Variants in HEXA observed in about 807,000 individuals in gnomAD.
The protein encoded by HEXA is hexosaminidase subunit alpha.
Under a neutral mutation model 73.3 loss-of-function variants are expected in HEXA, and 54 were observed. The observed-to-expected ratio is 0.74, with a 90% CI of 0.59 to 0.92. HEXA has a LOEUF of 0.92. HEXA is among the 40% of genes least tolerant of loss of function. The pLI, the probability that HEXA is intolerant of heterozygous loss-of-function variation, is 0.00. For synonymous variants in HEXA, 230 were observed against 246.9 expected (o/e 0.93, Z 0.64); for missense variants, 649 against 653.0 (o/e 0.99, Z 0.07).
chr15:72,373,425 T>C (rs2089018215), intron 1 of HEXA, among the ~76,000 whole-genome samples: 1 of 152,204 alleles, frequency 6.6e-6, no homozygotes, highest in South Asian at 2.1e-4. Context: ...GAAGACTCCA[T>C]GGGAAGAGCA....
intron 1 of HEXA, among the ~76,000 whole-genome samples, chr15:72,363,481 T>C (rs2088878213): frequency 6.6e-6 from 1 of 152,198 alleles, no homozygotes; most frequent in African/African-American, 2.4e-5. Context: ...AGTGAATTGG[T>C]GTAGCTAGGA....
At chr15:72,350,491 C>T (rs1426919301) in intron 7 of HEXA, 27 bp downstream of exon 7, 2 of 1,612,906 alleles carry the variant, frequency 1.2e-6, no homozygotes, top group Non-Finnish European at 1.7e-6. Flanking sequence ...CAAGCAGAGT[C>T]CCTCTGGTCC....
chr15:72,348,122 TGGG>T lies in HEXA; in HGVS notation c.996_998del (p.Asn332_Pro333delinsLys). The T allele has an allele frequency of 6.2e-7, 1 of 1,610,740 alleles. No homozygotes were observed. The highest frequency in any genetic ancestry group is 8.5e-7 in the Non-Finnish European group (1 of 1,176,896). ...TCTTCCTCATAAAGTCCTGGATCTC[TGGG>T]TTGGACTTCCTGAATCCCAAGAGAA... On this transcript the variant is annotated inframe_deletion, in exon 9 of 14. Transcript: ENST00000268097.
intron 13 of HEXA, among the ~76,000 whole-genome samples, chr15:72,344,394 C>T (rs901634705): frequency 1.3e-5 from 2 of 152,118 alleles, no homozygotes; most frequent in Non-Finnish European, 2.9e-5. Flanking sequence ...GAAACGTTGG[C>T]GACATCTATT....
intron 1 of HEXA, chr15:72,362,271 C>G (rs538189748): frequency 1.3e-4 from 26 of 199,156 alleles, no homozygotes; most frequent in African/African-American, 3.3e-4. Context: ...GTTATTCCCC[C>G]CCTCTTTCCT....
Position 72,350,599 on chromosome 15 carries a change from C to T in HEXA, c.724G>A (p.Val242Ile). The T allele has an allele frequency of 6.2e-7, 1 of 1,614,170 alleles. No individual in the cohort carries two copies. Among genetic ancestry groups the T allele is most frequent in the Non-Finnish European group, 8.5e-7 (1 of 1,180,022 alleles). The change falls in exon 7 of 14, where the codon GTC (valine) becomes ATC (isoleucine). Residue 242 changes from valine (V) to isoleucine (I), a missense_variant. Coordinates refer to ENST00000268097, the MANE Select transcript of HEXA (RefSeq NM_000520.6). ...HIYTAQDVKE[V>I]IEYARLRGIR... Reference sequence around the variant, plus strand: ...CCCCGGAGCCGTGCGTATTCAATGACCTCCTTCACATCCTGTGCTGTGTAG... The same window carrying T: ...CCCCGGAGCCGTGCGTATTCAATGATCTCCTTCACATCCTGTGCTGTGTAG...
At chr15:72,368,518 C>A (rs998685580) in intron 1 of HEXA, among the ~76,000 whole-genome samples, 3 of 152,180 alleles carry the variant, frequency 2.0e-5, no homozygotes, top group Non-Finnish European at 4.4e-5. Context: ...AAGTGCCAGA[C>A]AATAAATGCT....
At position 72,346,510 on chromosome 15, in the gene HEXA, G is replaced by C. The variant is rs1445354163; in HGVS notation, c.1330+17C>G. 6.2e-7 allele frequency: 1 copy of C among 1,612,606 alleles called. No individual in the cohort carries two copies. Among genetic ancestry groups the C allele is most frequent in the Non-Finnish European group, 8.5e-7 (1 of 1,178,678 alleles). ...CCCAGCCTCCTTTGGTTAGCAAGGA[G>C]AGCTCTCTGCTTTCACCTTCAAATG... On this transcript the variant is annotated intron_variant, in intron 11 of 13. Transcript: ENST00000268097.
chr15:72,343,828 C>T lies in HEXA; in HGVS notation c.*249G>A. On this transcript the variant is annotated 3_prime_UTR_variant, in exon 14 of 14. Transcript: ENST00000268097. ...GGGGCAGACACTGACTCCAGCCTGG[C>T]TGTGCCCTTACCCTAACGCCATTCA... 2.2e-6 allele frequency: 1 copy of T among 456,056 alleles called. No homozygotes were observed. The highest frequency in any genetic ancestry group is 4.1e-6 in the Non-Finnish European group (1 of 245,810). 28.3% of individuals were successfully genotyped at this position (456,056 alleles called of 1,614,324 possible). A position where few individuals can be genotyped will look rare whatever the true frequency, so the allele number is the denominator to read the frequency against.
At chr15:72,345,711 CAG>C (rs1595796503) in intron 12 of HEXA, 161 bp from the exon 13 acceptor site, 2 of 1,165,566 alleles carry the variant, frequency 1.7e-6, no homozygotes, top group East Asian at 5.1e-5. Context: ...GGATGGCTCC[CAG>C]AGAGTTCTAC....
At chr15:72,347,559 G>C (rs2088632872) in intron 10 of HEXA, 127 bp downstream of exon 10, 2 of 786,418 alleles carry the variant, frequency 2.5e-6, no homozygotes, top group Admixed American at 4.0e-5. Context: ...GAGAGAAAAG[G>C]AGAGTGCTCC....
At position 72,341,199 on chromosome 15, in the gene HEXA, G is replaced by A. The variant is rs1382639406; in HGVS notation, c.*2878C>T. The A allele has an allele frequency of 6.6e-6, 1 of 152,032 alleles. No individual in the cohort carries two copies. The highest frequency in any genetic ancestry group is 1.5e-5 in the Non-Finnish European group (1 of 68,024). The allele number at this position is 152,032 out of a possible 1,614,324, so 9.4% of individuals were successfully genotyped here. ...ACATCCTTTCTTTCACCCTTTCCCA[G>A]TATCATTTCAGCTTTCCTCACAGTC... On this transcript the variant is annotated 3_prime_UTR_variant, in exon 14 of 14. Coordinates refer to ENST00000268097, the MANE Select transcript of HEXA (RefSeq NM_000520.6).
chr15:72,366,939 T>G (rs1331340564), intron 1 of HEXA, among the ~76,000 whole-genome samples: 2 of 148,310 alleles, frequency 1.3e-5, no homozygotes, highest in African/African-American at 2.5e-5. Context: ...AATTTCACTG[T>G]TTTTTTTTTG....
chr15:72,375,858 G>C lies in HEXA; in HGVS notation c.115C>G (p.Leu39Val). 2 of 1,614,266 alleles carry C rather than the reference G, an allele frequency of 1.2e-6. No homozygotes were observed. The highest frequency in any genetic ancestry group is 1.7e-6 in the Non-Finnish European group (2 of 1,180,044). ...NFQTSDQRYV[L>V]YPNNFQFQYD... Reference sequence around the variant, plus strand: ...TGGAATTGAAAGTTGTTCGGGTAAAGGACGTAGCGCTGGTCGGAGGTTTGG... The same window carrying C: ...TGGAATTGAAAGTTGTTCGGGTAAACGACGTAGCGCTGGTCGGAGGTTTGG... Residue 39 changes from leucine (L) to valine (V), a missense_variant, in exon 1 of 14, where the codon CTT (leucine) becomes GTT (valine). By Grantham distance (32) the Leu-to-Val change is conservative. Transcript: ENST00000268097.
chr15:72,375,600 G>A, intron 1 of HEXA, 120 bp downstream of exon 1: 1 of 1,047,626 alleles, frequency 9.5e-7, no homozygotes, highest in Non-Finnish European at 1.4e-6. Flanking sequence ...GGAGGAAGTG[G>A]AGTGCCTGTG....
At chr15:72,363,107 G>A (rs895196142) in intron 1 of HEXA, among the ~76,000 whole-genome samples, 1 of 151,842 alleles carries the variant, frequency 6.6e-6, no homozygotes, top group Admixed American at 6.6e-5. Context: ...ATCATATCCA[G>A]GTTTCATCTC....
intron 2 of HEXA, 93 bp from the exon 3 acceptor site, chr15:72,355,717 A>G: frequency 1.1e-6 from 1 of 870,898 alleles, no homozygotes; most frequent in East Asian, 2.6e-5. Flanking sequence ...TGGACTAAAA[A>G]AAAAAAACAG....
At position 72,346,707 on chromosome 15, in the gene HEXA, GA is replaced by G. The variant is rs1567296084; in HGVS notation, c.1149del (p.Gln384SerfsTer15). ...WQEVFDNKVK[I>X]QPDTIIQVWR... ...CACACCTGTATGATTGTGTCTGGCTGAATCTGTTATAAAAGGTCAAATGGCA... is the reference window on the plus strand; with the variant it reads ...CACACCTGTATGATTGTGTCTGGCTGATCTGTTATAAAAGGTCAAATGGCA... On this transcript the variant is annotated frameshift_variant and splice_region_variant, in exon 11 of 14. Transcript: ENST00000268097. LOFTEE classifies it high-confidence loss of function. 6.2e-7 allele frequency: 1 copy of G among 1,613,998 alleles called. No individual in the cohort carries two copies. The highest frequency in any genetic ancestry group is 8.5e-7 in the Non-Finnish European group (1 of 1,179,944).
intron 1 of HEXA, chr15:72,362,347 A>G (rs1252440627): frequency 2.4e-6 from 1 of 421,790 alleles, no homozygotes. Context: ...TTTTCTTAAG[A>G]TATGCTGTTT....
Sources: gnomAD v4.1 joint callset for allele counts (sites outside exome capture counted in the v4.1 genomes callset) on GRCh38, gnomAD v4.1.1 for gene constraint, MANE v1.5 for transcripts, NCBI Gene and HGNC (gene_info 2026-07-23, HGNC 2026-07-21) for gene names.